INPP4B: variants seen among roughly 807,000 people sequenced by gnomAD.
The protein encoded by INPP4B is inositol polyphosphate-4-phosphatase type II B.
Under a neutral mutation model 122.5 loss-of-function variants are expected in INPP4B, and 55 were observed. That is an observed-to-expected ratio of 0.45 (90% CI 0.36 to 0.56). INPP4B has a LOEUF of 0.56. Among genes scored for constraint, INPP4B ranks in the 20% least tolerant of loss-of-function variants. INPP4B has a pLI of 0.00. For missense variants in INPP4B, 1,000 were observed against 1,097.7 expected, an observed-to-expected ratio of 0.91 and a Z score of 1.26; for synonymous variants, 403 against 388.7, an observed-to-expected ratio of 1.04 and a Z score of -0.43.
chr4:142,082,009 ACT>A lies in INPP4B; in HGVS notation c.2642+20_2642+21del. 7.1e-7 allele frequency: 1 copy of A among 1,412,662 alleles called. No homozygotes were observed. The highest frequency in any genetic ancestry group is 9.4e-7 in the Non-Finnish European group (1 of 1,067,282). 87.5% of individuals were successfully genotyped at this position (1,412,662 alleles called of 1,614,324 possible). A position where few individuals can be genotyped will look rare whatever the true frequency, so the allele number is the denominator to read the frequency against. ...CTCAAAATGACCTTAAAAGAAAAAA[ACT>A]TGAAAAACATGTGAGATACCTTCTC... On this transcript the variant is annotated intron_variant, in intron 25 of 25. Transcript: ENST00000262992.
In INPP4B at chr4:142,477,168, GA is replaced by G. The variant is rs750829223; in HGVS notation, c.-190-14443del. Among the ~76,000 whole-genome samples, 4 of 152,224 alleles carry G rather than the reference GA, an allele frequency of 2.6e-5. No homozygotes were observed. The South Asian group carries it at 8.3e-4, about 32-fold the overall frequency. ...TTGCTCAAAACCATACAGTTACATG[GA>G]AATTAAACAACATGCTCCTAAATGA... On this transcript the variant is annotated intron_variant, in intron 2 of 25. Coordinates refer to ENST00000262992, the MANE Select transcript of INPP4B (RefSeq NM_001101669.3).
intron 2 of INPP4B, among the ~76,000 whole-genome samples, chr4:142,521,912 CA>C (rs1191705837): frequency 2.0e-5 from 3 of 151,956 alleles, no homozygotes; most frequent in Non-Finnish European, 4.4e-5. Flanking sequence ...CCACAAAATA[CA>C]AGTTAATTTG....
At position 142,347,724 on chromosome 4, in the gene INPP4B, C is replaced by T. The variant is rs116149973; in HGVS notation, c.373-32962G>A. ...GACATCTCTCTGATAACATAAAAGA[C>T]TGAAAAGAAAAGCATTCATGAGATA... On this transcript the variant is annotated intron_variant, in intron 7 of 25. Coordinates refer to ENST00000262992, the MANE Select transcript of INPP4B (RefSeq NM_001101669.3). Among the ~76,000 whole-genome samples, 257 of 151,876 alleles carry T rather than the reference C, an allele frequency of 1.7e-3. 1 individual carries two copies. The highest frequency in any genetic ancestry group is 5.9e-3 in the African/African-American group (246 of 41,436).
Position 142,270,747 on chromosome 4 carries a change from G to C in INPP4B, c.531C>G (p.Gly177=), listed in dbSNP as rs150452386. ...TCTTCACGACACTGACTTCTATGGT[G>C]CCAACCACTTTGCCACCATCTGAAG... The part of the protein sequence containing the change: ...LRTSDGGKVV[G]TIEVSVVKMG... The change falls in exon 10 of 26, where the codon GGC becomes GGG. Residue 177 remains glycine, a synonymous_variant. Transcript: ENST00000262992. The C allele has an allele frequency of 4.3e-6, 7 of 1,613,608 alleles. No individual in the cohort carries two copies. In the African/African-American group the frequency reaches 9.3e-5, roughly 22 times the overall value.
In INPP4B at chr4:142,305,028, AG is replaced by A. The variant is rs549323562; in HGVS notation, c.503+429del. On this transcript the variant is annotated intron_variant, in intron 9 of 25. Coordinates refer to ENST00000262992, the MANE Select transcript of INPP4B (RefSeq NM_001101669.3). ...ATGTTTAATAGTATAGCACCAAAAT[AG>A]GCTGAAAAAAGAATAATCAGCTTAC... 3.3e-3 allele frequency among the ~76,000 whole-genome samples: 499 copies of A among 152,258 alleles called. 6 individuals carry two copies. Among genetic ancestry groups the A allele is most frequent in the African/African-American group, 0.01 (432 of 41,562 alleles).
At chr4:142,548,914 AATT>A (rs1244789939) in intron 2 of INPP4B, among the ~76,000 whole-genome samples, 3 of 152,138 alleles carry the variant, frequency 2.0e-5, no homozygotes, top group Non-Finnish European at 4.4e-5. Flanking sequence ...TGTGAATATT[AATT>A]ATTATACTGT....
intron 17 of INPP4B, among the ~76,000 whole-genome samples, chr4:142,149,983 G>A (rs1419184419): frequency 2.0e-5 from 3 of 152,122 alleles, no homozygotes; most frequent in African/African-American, 7.2e-5. Flanking sequence ...GCTAGAGAAG[G>A]GTAAGAAAGA....
chr4:142,538,878 A>T (rs1234860288), intron 2 of INPP4B, among the ~76,000 whole-genome samples: 1 of 151,958 alleles, frequency 6.6e-6, no homozygotes, highest in Non-Finnish European at 1.5e-5. Flanking sequence ...ATGCGGTAAA[A>T]AAGAGAGAAT....
At chr4:142,318,397 T>C (rs1362964944) in intron 7 of INPP4B, among the ~76,000 whole-genome samples, 1 of 152,150 alleles carries the variant, frequency 6.6e-6, no homozygotes, top group Non-Finnish European at 1.5e-5. Context: ...GAGGAAGGGA[T>C]GAAGCAAAGG....
rs149713674 is a variant in INPP4B at position 142,335,633 on chromosome 4, A to T, written c.373-20871T>A. On this transcript the variant is annotated intron_variant, in intron 7 of 25. Coordinates refer to ENST00000262992, the MANE Select transcript of INPP4B (RefSeq NM_001101669.3). ...AAAATGCAATCTGAAATTTAAAAAC[A>T]GTGACACTAAGCACCCTTAGGAGAT... Among the ~76,000 whole-genome samples the T allele has an allele frequency of 2.8e-3, 427 of 152,368 alleles. 2 individuals carry two copies. The highest frequency in any genetic ancestry group is 9.1e-3 in the African/African-American group (377 of 41,580).
At chr4:142,365,820 C>T (rs978267904) in intron 7 of INPP4B, among the ~76,000 whole-genome samples, 7 of 151,596 alleles carry the variant, frequency 4.6e-5, no homozygotes, top group Non-Finnish European at 8.8e-5. Context: ...AATTTTTTTC[C>T]CTCACTTACT....
intron 3 of INPP4B, among the ~76,000 whole-genome samples, chr4:142,437,997 A>T (rs1468602810): frequency 6.6e-6 from 1 of 152,200 alleles, no homozygotes; most frequent in Non-Finnish European, 1.5e-5. Context: ...AACAATTGAA[A>T]AAAGAAGGAT....
intron 1 of INPP4B, among the ~76,000 whole-genome samples, chr4:142,809,882 A>G (rs933902655): frequency 2.0e-5 from 3 of 152,078 alleles, no homozygotes; most frequent in South Asian, 2.1e-4. Flanking sequence ...TTAAGAATTT[A>G]TCATGGGCCA....
chr4:142,116,815 G>A (rs1354934627), intron 21 of INPP4B, among the ~76,000 whole-genome samples: 1 of 152,078 alleles, frequency 6.6e-6, no homozygotes, highest in East Asian at 1.9e-4. Context: ...TAAGATCAGA[G>A]CAGAACTGAA....
intron 2 of INPP4B, among the ~76,000 whole-genome samples, chr4:142,717,973 G>T (rs951412413): frequency 2.7e-5 from 4 of 150,426 alleles, no homozygotes; most frequent in African/African-American, 9.8e-5. Flanking sequence ...AGAACAAGAT[G>T]TTAGGAAAGG....
intron 2 of INPP4B, among the ~76,000 whole-genome samples, chr4:142,530,275 T>G (rs1827437501): frequency 6.6e-6 from 1 of 152,046 alleles, no homozygotes; most frequent in Non-Finnish European, 1.5e-5. Flanking sequence ...CTTTATTCCT[T>G]CTGCAAGCCC....
chr4:142,188,434 C>T (rs1469926534), intron 15 of INPP4B, among the ~76,000 whole-genome samples: 1 of 125,382 alleles, frequency 8.0e-6, no homozygotes, highest in Non-Finnish European at 1.6e-5. Flanking sequence ...TTGCAGTGAG[C>T]GAAGATCGCA....
chr4:142,396,595 T>C (rs1379794001), intron 7 of INPP4B, among the ~76,000 whole-genome samples: 2 of 152,196 alleles, frequency 1.3e-5, no homozygotes, highest in Non-Finnish European at 2.9e-5. Flanking sequence ...CTAGAAATTA[T>C]ACTCCTCAGT....
At chr4:142,616,540 G>A (rs1175137830) in intron 2 of INPP4B, among the ~76,000 whole-genome samples, 2 of 152,034 alleles carry the variant, frequency 1.3e-5, no homozygotes, top group Non-Finnish European at 2.9e-5. Flanking sequence ...AATTATTTTT[G>A]TACCCCAACA....
Sources: allele counts gnomAD v4.1 joint callset (sites outside exome capture counted in the v4.1 genomes callset), GRCh38; gene constraint gnomAD v4.1.1; transcripts MANE v1.5; gene names NCBI Gene and HGNC (gene_info 2026-07-23, HGNC 2026-07-21).